Variants in DSCAML1 observed in about 807,000 individuals in gnomAD.
DSCAML1 encodes cell adhesion molecule DSCAML1.
In DSCAML1, 38 loss-of-function variants were observed where a neutral mutation model predicts 200.5. The observed-to-expected ratio is 0.19, with a 90% CI of 0.15 to 0.25. DSCAML1 has a LOEUF of 0.25. Ranked by LOEUF, DSCAML1 falls within the 10% of genes least tolerant of loss-of-function variation. The pLI is 1.00. For missense variants in DSCAML1, 2,223 were observed against 2,858.8 expected, an observed-to-expected ratio of 0.78 and a Z score of 5.07; for synonymous variants, 1,215 against 1,165.0, an observed-to-expected ratio of 1.04 and a Z score of -0.87.
chr11:117,550,472 T>C (rs1314543406), intron 3 of DSCAML1, among the ~76,000 whole-genome samples: 1 of 151,788 alleles, frequency 6.6e-6, no homozygotes, highest in Admixed American at 6.5e-5. Flanking sequence ...CCAGTGTCTG[T>C]TTATTGACAT....
At chr11:117,788,528 T>C (rs996069233) in intron 1 of DSCAML1, among the ~76,000 whole-genome samples, 1 of 152,114 alleles carries the variant, frequency 6.6e-6, no homozygotes, top group African/African-American at 2.4e-5. Context: ...GGTTTCGCCA[T>C]GTTGGCCAAG....
At chr11:117,564,446 G>T (rs927138550) in intron 3 of DSCAML1, among the ~76,000 whole-genome samples, 2 of 152,144 alleles carry the variant, frequency 1.3e-5, no homozygotes, top group African/African-American at 4.8e-5. Context: ...ACAATCATCC[G>T]CAATCAATAG....
chr11:117,439,138 G>T, intron 23 of DSCAML1, 128 bp downstream of exon 23: 1 of 1,412,062 alleles, frequency 7.1e-7, no homozygotes, highest in Non-Finnish European at 9.6e-7. Context: ...GTGCACCTCT[G>T]TTTCTCCAGA....
At chr11:117,539,789 G>C (rs1021956699) in intron 3 of DSCAML1, among the ~76,000 whole-genome samples, 1 of 152,062 alleles carries the variant, frequency 6.6e-6, no homozygotes, top group South Asian at 2.1e-4. Context: ...ATATCCAAAA[G>C]AACTGAAAGC....
At chr11:117,461,022 T>TC (rs1180163851) in intron 18 of DSCAML1, among the ~76,000 whole-genome samples, 4 of 151,780 alleles carry the variant, frequency 2.6e-5, no homozygotes, top group African/African-American at 9.7e-5. Context: ...TACCGACTAT[T>TC]CCCCACCGGT....
chr11:117,665,881 C>G (rs901077059), intron 3 of DSCAML1, among the ~76,000 whole-genome samples: 4 of 152,218 alleles, frequency 2.6e-5, no homozygotes, highest in African/African-American at 9.6e-5. Context: ...GTCAGCCCAA[C>G]CTCCTCATTT....
rs768875659 is a variant in DSCAML1, at chr11:117,435,783, G to C, written c.4737C>G (p.Ile1579Met). 6.2e-7 allele frequency: 1 copy of C among 1,610,718 alleles called. No individual in the cohort carries two copies. Among genetic ancestry groups the C allele is most frequent in the South Asian group, 1.1e-5 (1 of 90,858 alleles). Reference protein sequence around the residue: ...LDYDGSTIPPIKSAQGEGDDV... With the variant: ...LDYDGSTIPPMKSAQGEGDDV... The stretch of plus-strand genomic sequence containing the variant: ...CATCCCCTTCACCTTGAGCAGACTT[G>C]ATGGGTGGAATGGTGCCTGAATGAG... The change falls in exon 27 of 33, where the codon ATC (isoleucine) becomes ATG (methionine). Residue 1579 changes from isoleucine to methionine, a missense_variant. Coordinates refer to ENST00000651296, the MANE Select transcript of DSCAML1 (RefSeq NM_020693.4).
chr11:117,767,708 G>C (rs1418544838), intron 3 of DSCAML1, among the ~76,000 whole-genome samples: 1 of 152,198 alleles, frequency 6.6e-6, no homozygotes, highest in Non-Finnish European at 1.5e-5. Context: ...CGCTCTGCCT[G>C]GAGTCACTGT....
At chr11:117,661,173 C>G (rs1378799148) in intron 3 of DSCAML1, among the ~76,000 whole-genome samples, 3 of 152,116 alleles carry the variant, frequency 2.0e-5, no homozygotes, top group Admixed American at 6.5e-5. Context: ...TCAGCCTTCT[C>G]CGGGTTGATG....
rs566694539 is a variant in DSCAML1 at position 117,547,226 on chromosome 11, C to G, written c.512-14704G>C. Among the ~76,000 whole-genome samples, 7 of 152,338 alleles carry G rather than the reference C, an allele frequency of 4.6e-5. No individual in the cohort carries two copies. In the East Asian group the frequency reaches 1.2e-3, roughly 25 times the overall value. ...CAACCCTCCCCAGAGCCCCCACCCC[C>G]ACTTTTATGTTTCCCGCTGGGGGTG... On this transcript the variant is annotated intron_variant, in intron 3 of 32. Transcript: ENST00000651296.
intron 3 of DSCAML1, among the ~76,000 whole-genome samples, chr11:117,721,981 T>G (rs909985388): frequency 2.6e-5 from 4 of 152,042 alleles, no homozygotes; most frequent in African/African-American, 7.2e-5. Context: ...AAAGAAAATT[T>G]TGTTTTGATC....
rs368589239 is a variant in DSCAML1 at position 117,751,395 on chromosome 11, C to CT, written c.511+25395dup. 1.4e-3 allele frequency among the ~76,000 whole-genome samples: 199 copies of CT among 142,432 alleles called. 1 individual carries two copies. The highest frequency in any genetic ancestry group is 6.9e-3 in the South Asian group (30 of 4,350). The allele number at this position is 142,432 out of a possible 152,430, so 93.4% of individuals were successfully genotyped here. A position where few individuals can be genotyped will look rare whatever the true frequency, so the allele number is the denominator to read the frequency against. On this transcript the variant is annotated intron_variant, in intron 3 of 32. Coordinates refer to ENST00000651296, the MANE Select transcript of DSCAML1 (RefSeq NM_020693.4). ...AAGGCGATACGCTCACACCTTTTTTCTTTTTTTTTTTTTCTCTGTTGCCAT... is the reference window on the plus strand; with the variant it reads ...AAGGCGATACGCTCACACCTTTTTTCTTTTTTTTTTTTTTCTCTGTTGCCAT...
chr11:117,777,723 C>G (rs1056430617), intron 2 of DSCAML1, among the ~76,000 whole-genome samples: 1 of 152,294 alleles, frequency 6.6e-6, no homozygotes, highest in African/African-American at 2.4e-5. Flanking sequence ...CATCCCTTCC[C>G]CCACCGTGCC....
intron 3 of DSCAML1, among the ~76,000 whole-genome samples, chr11:117,550,935 G>T (rs1206865323): frequency 1.3e-5 from 2 of 152,196 alleles, no homozygotes; most frequent in African/African-American, 4.8e-5. Context: ...CTGACCCCAA[G>T]TCAGGGTTTC....
chr11:117,692,213 G>A (rs1050726706), intron 3 of DSCAML1, among the ~76,000 whole-genome samples: 2 of 151,854 alleles, frequency 1.3e-5, no homozygotes, highest in Non-Finnish European at 2.9e-5. Context: ...CTGCTTGGCC[G>A]CCTCCTCCTC....
At chr11:117,743,271 G>A (rs535863107) in intron 3 of DSCAML1, among the ~76,000 whole-genome samples, 23 of 152,314 alleles carry the variant, frequency 1.5e-4, no homozygotes, top group African/African-American at 4.8e-4. Context: ...CCAGGGAGGA[G>A]GAGGAGCAAG....
chr11:117,687,093 C>A (rs531918198), intron 3 of DSCAML1, among the ~76,000 whole-genome samples: 3 of 152,114 alleles, frequency 2.0e-5, no homozygotes, highest in East Asian at 3.9e-4. Flanking sequence ...TGGATGGGGG[C>A]AGGCAGAAGG....
At chr11:117,675,902 C>G (rs1380305573) in intron 3 of DSCAML1, among the ~76,000 whole-genome samples, 2 of 152,148 alleles carry the variant, frequency 1.3e-5, no homozygotes, top group African/African-American at 4.8e-5. Context: ...GGCTCCCACT[C>G]CTGATTAGGA....
chr11:117,731,389 G>T (rs1205910198), intron 3 of DSCAML1, among the ~76,000 whole-genome samples: 1 of 152,134 alleles, frequency 6.6e-6, no homozygotes, highest in Non-Finnish European at 1.5e-5. Context: ...AAAGACTCCT[G>T]CCCACCTCTC....
Sources: gnomAD v4.1 joint callset for allele counts (sites outside exome capture counted in the v4.1 genomes callset) on GRCh38, gnomAD v4.1.1 for gene constraint, MANE v1.5 for transcripts, NCBI Gene and HGNC (gene_info 2026-07-23, HGNC 2026-07-21) for gene names.